SFXN5: variants seen among roughly 807,000 people sequenced by gnomAD.
The protein encoded by SFXN5 is sideroflexin-5.
A neutral mutation model predicts 50.2 loss-of-function variants in SFXN5; 43 were observed. The observed-to-expected ratio is 0.86, with a 90% CI of 0.67 to 1.11. The LOEUF is 1.11. Ranked by LOEUF, SFXN5 falls within the 50% of genes least tolerant of loss-of-function variation. The pLI, the probability that SFXN5 is intolerant of heterozygous loss-of-function variation, is 0.00. For synonymous variants in SFXN5, 203 were observed against 185.8 expected (o/e 1.09, Z -0.75); for missense variants, 463 against 454.1 (o/e 1.02, Z -0.18).
intron 2 of SFXN5, among the ~76,000 whole-genome samples, chr2:73,047,177 C>T (rs1680446233): frequency 7.5e-6 from 1 of 134,010 alleles, no homozygotes; most frequent in African/African-American, 2.8e-5. Context: ...AAGATCGCAC[C>T]ACTGCACTCC....
intron 10 of SFXN5, among the ~76,000 whole-genome samples, chr2:72,982,836 G>A (rs10167180): frequency 0.017 from 2,664 of 152,332 alleles, 74 homozygotes; most frequent in African/African-American, 0.06. Context: ...CAAGAGGGAG[G>A]AGAGGAGGAC....
intron 6 of SFXN5, among the ~76,000 whole-genome samples, chr2:73,016,232 C>T (rs145822596): frequency 6.6e-6 from 1 of 152,208 alleles, no homozygotes; most frequent in African/African-American, 2.4e-5. Context: ...TATATTCCAA[C>T]AATATCACAA....
chr2:72,993,797 A>G (rs979663800), intron 9 of SFXN5, among the ~76,000 whole-genome samples: 2 of 151,960 alleles, frequency 1.3e-5, no homozygotes, highest in African/African-American at 4.8e-5. Flanking sequence ...CCTGAGGTAC[A>G]CCCTCCACCA....
chr2:72,969,854 G>A (rs761290688), intron 11 of SFXN5, among the ~76,000 whole-genome samples: 11 of 152,130 alleles, frequency 7.2e-5, no homozygotes, highest in Non-Finnish European at 1.6e-4. Context: ...GGGTCTGCTT[G>A]GGGCCTTGCT....
chr2:72,947,719 G>A (rs17504249), intron 13 of SFXN5, among the ~76,000 whole-genome samples: 44,378 of 151,960 alleles, frequency 0.29, 7,337 homozygotes, highest in Admixed American at 0.42. Flanking sequence ...CTGGTACCCC[G>A]TTACCCAAGT....
intron 13 of SFXN5, among the ~76,000 whole-genome samples, chr2:72,947,872 A>G (rs1672144353): frequency 1.9e-5 from 1 of 52,910 alleles, no homozygotes; most frequent in Non-Finnish European, 3.8e-5. Context: ...CCTCGTCCCC[A>G]CGCTGCCACT....
intron 13 of SFXN5, among the ~76,000 whole-genome samples, chr2:72,947,112 G>GC (rs1180920350): frequency 6.6e-6 from 1 of 152,138 alleles, no homozygotes; most frequent in Non-Finnish European, 1.5e-5. Flanking sequence ...CACCTCTGTG[G>GC]CCCCCATAGC....
At chr2:72,974,040 G>A (rs1670342352) in intron 10 of SFXN5, among the ~76,000 whole-genome samples, 1 of 152,210 alleles carries the variant, frequency 6.6e-6, no homozygotes, top group Non-Finnish European at 1.5e-5. Context: ...TCACTCTGGG[G>A]ACTTGAGCCA....
At chr2:73,012,023 A>C (rs1675565193) in intron 6 of SFXN5, among the ~76,000 whole-genome samples, 1 of 152,240 alleles carries the variant, frequency 6.6e-6, no homozygotes, top group South Asian at 2.1e-4. Flanking sequence ...CAGAGAAAAC[A>C]AACAAATAAA....
Position 72,961,303 on chromosome 2 carries a change from T to A in SFXN5, c.828-55A>T. ...AGACCCGAAGGTGGGGTGGGCTGGC[T>A]GCCAGCCACCATGCTGGGTCCCACT... On this transcript the variant is annotated intron_variant, in intron 12 of 13. Coordinates refer to ENST00000272433, the MANE Select transcript of SFXN5 (RefSeq NM_144579.3). This position sits in a 1 kb window ranked among gnomAD's most constrained non-coding sequence, Gnocchi z 4.4. 7.8e-7 allele frequency: 1 copy of A among 1,277,424 alleles called. No homozygotes were observed. Among genetic ancestry groups the A allele is most frequent in the Non-Finnish European group, 1.1e-6 (1 of 948,210 alleles). 79.1% of individuals were successfully genotyped at this position (1,277,424 alleles called of 1,614,324 possible). A position where few individuals can be genotyped will look rare whatever the true frequency, so the allele number is the denominator to read the frequency against.
chr2:73,030,637 T>G (rs1190399918), intron 3 of SFXN5, among the ~76,000 whole-genome samples: 2 of 151,216 alleles, frequency 1.3e-5, no homozygotes, highest in Admixed American at 1.3e-4. Flanking sequence ...CCATTAAATG[T>G]GACCTCCCCA....
At chr2:73,054,153 CT>C (rs1408370894) in intron 2 of SFXN5, among the ~76,000 whole-genome samples, 1 of 152,154 alleles carries the variant, frequency 6.6e-6, no homozygotes, top group African/African-American at 2.4e-5. Context: ...AGAAGATCTT[CT>C]GTTGGCAGAA....
chr2:73,020,883 C>T (rs1265551610), intron 5 of SFXN5: 1 of 152,382 alleles, frequency 6.6e-6, no homozygotes, highest in African/African-American at 2.4e-5. Context: ...AGGCGAGGCT[C>T]TCTCCACAGC....
intron 13 of SFXN5, chr2:72,956,862 C>T (rs1673146297): frequency 2.8e-6 from 1 of 352,956 alleles, no homozygotes; most frequent in East Asian, 7.8e-5. Flanking sequence ...CACAGTTCCC[C>T]ATCTTTGAGC....
chr2:72,981,363 C>T (rs1034221290), intron 10 of SFXN5: 5 of 152,128 alleles, frequency 3.3e-5, no homozygotes, highest in African/African-American at 1.2e-4. Context: ...GGGTCTCTGT[C>T]TTGAGAACTT....
chr2:73,048,027 C>T (rs1030697909), intron 2 of SFXN5, among the ~76,000 whole-genome samples: 3 of 152,086 alleles, frequency 2.0e-5, no homozygotes, highest in African/African-American at 4.8e-5. Flanking sequence ...CATTTCATGA[C>T]ATGAAAAACT....
chr2:73,048,093 A>G (rs1680751363), intron 2 of SFXN5, among the ~76,000 whole-genome samples: 1 of 152,250 alleles, frequency 6.6e-6, no homozygotes, highest in Non-Finnish European at 1.5e-5. Context: ...TACCATGGAT[A>G]TCCATTGCTA....
chr2:72,952,229 C>T (rs943941866), intron 13 of SFXN5, among the ~76,000 whole-genome samples: 2 of 152,240 alleles, frequency 1.3e-5, no homozygotes, highest in African/African-American at 2.4e-5. Flanking sequence ...TCTAAGTATA[C>T]GCTTTGAGTC....
At chr2:73,001,211 A>G (rs913673470) in intron 7 of SFXN5, among the ~76,000 whole-genome samples, 2 of 152,242 alleles carry the variant, frequency 1.3e-5, no homozygotes, top group African/African-American at 4.8e-5. Flanking sequence ...TGGGATGAGC[A>G]GCCAAGGGGC....
Sources: gnomAD v4.1 joint callset for allele counts (sites outside exome capture counted in the v4.1 genomes callset) on GRCh38, gnomAD v4.1.1 for gene constraint, Gnocchi (gnomAD v3.1) non-coding constraint, MANE v1.5 for transcripts, NCBI Gene and HGNC (gene_info 2026-07-23, HGNC 2026-07-21) for gene names.